Variants in THADA observed in about 807,000 individuals in gnomAD.
THADA encodes THADA armadillo repeat containing.
A neutral mutation model predicts 219.8 loss-of-function variants in THADA; 213 were observed. That is an observed-to-expected ratio of 0.97 (90% CI 0.87 to 1.09). The LOEUF (loss-of-function observed/expected upper bound fraction) is 1.09, where lower values mean the gene tolerates loss of function less well. Among genes scored for constraint, THADA ranks in the 50% least tolerant of loss-of-function variants. THADA has a pLI of 0.00. For synonymous variants in THADA, 1,018 were observed against 828.9 expected (o/e 1.23, Z -3.92); for missense variants, 2,956 against 2,311.3 (o/e 1.28, Z -5.72).
At chr2:43,432,995 T>A (rs1483341235) in intron 26 of THADA, among the ~76,000 whole-genome samples, 1 of 152,152 alleles carries the variant, frequency 6.6e-6, no homozygotes, top group African/African-American at 2.4e-5. Flanking sequence ...TTTAATCAAT[T>A]TTTTTCTTTA....
chr2:43,508,014 G>A (rs1433334894), intron 23 of THADA, among the ~76,000 whole-genome samples: 3 of 152,004 alleles, frequency 2.0e-5, no homozygotes, highest in Admixed American at 2.0e-4. Flanking sequence ...AGAGAGGTTC[G>A]GGAGTCAGGC....
At position 43,333,486 on chromosome 2, in the gene THADA, T is replaced by C. The variant is rs80005739; in HGVS notation, c.4343+10636A>G. Among the ~76,000 whole-genome samples the C allele has an allele frequency of 7.6e-3, 1,157 of 151,686 alleles. 16 individuals are homozygous for C. The highest frequency in any genetic ancestry group is 0.026 in the African/African-American group (1,078 of 41,350). On this transcript the variant is annotated intron_variant, in intron 30 of 37. Coordinates refer to ENST00000405975, the MANE Select transcript of THADA (RefSeq NM_022065.5). ...TTTTCCTAAAAAAAAAAAATAACTT[T>C]TTCTAAAATTAAAAAAAGGAGGATC...
chr2:43,525,003 C>T lies in THADA; in HGVS notation c.3374+2876G>A, dbSNP rs527695501. On this transcript the variant is annotated intron_variant, in intron 22 of 37. Transcript: ENST00000405975. ...TTTTTGGAGAAAACTCACAGATCTA[C>T]ATCTCTGTTTTTGTTATATCACCCA... Among the ~76,000 whole-genome samples the T allele has an allele frequency of 2.6e-5, 4 of 152,296 alleles. No individual in the cohort carries two copies. The South Asian group carries it at 8.3e-4, about 32-fold the overall frequency.
chr2:43,381,823 G>T (rs1200056301), intron 29 of THADA, among the ~76,000 whole-genome samples: 1 of 152,096 alleles, frequency 6.6e-6, no homozygotes, highest in African/African-American at 2.4e-5. Context: ...GACCTCAAGT[G>T]ATCTGCCTGC....
At chr2:43,482,322 A>C (rs1263461627) in intron 26 of THADA, among the ~76,000 whole-genome samples, 1 of 152,176 alleles carries the variant, frequency 6.6e-6, no homozygotes, top group Admixed American at 6.5e-5. Context: ...ACACACTTAC[A>C]AAGGATCCTC....
chr2:43,527,120 T>C (rs967431226), intron 22 of THADA, among the ~76,000 whole-genome samples: 4 of 152,210 alleles, frequency 2.6e-5, no homozygotes, highest in Admixed American at 6.5e-5. Flanking sequence ...ATTCAAGGAA[T>C]AGATGTCTTA....
intron 31 of THADA, among the ~76,000 whole-genome samples, chr2:43,295,407 T>A (rs2104381927): frequency 6.6e-6 from 1 of 152,346 alleles, no homozygotes; most frequent in East Asian, 1.9e-4. Context: ...GTTTGAGTCA[T>A]CCCCCACTTA....
At chr2:43,272,848 A>G in intron 36 of THADA, among the ~76,000 whole-genome samples, 1 of 150,818 alleles carries the variant, frequency 6.6e-6, no homozygotes, top group Admixed American at 6.6e-5. Context: ...CTGGGTTTGA[A>G]CTCCTGGGCT....
intron 30 of THADA, among the ~76,000 whole-genome samples, chr2:43,326,107 C>T (rs1199830109): frequency 1.3e-5 from 2 of 149,034 alleles, no homozygotes; most frequent in Non-Finnish European, 3.0e-5. Flanking sequence ...ACAGTATATA[C>T]ACACAAACAT....
At chr2:43,322,977 C>A (rs1044846010) in intron 30 of THADA, among the ~76,000 whole-genome samples, 1 of 152,072 alleles carries the variant, frequency 6.6e-6, no homozygotes, top group African/African-American at 2.4e-5. Flanking sequence ...TGAGCCACCG[C>A]GCCAGGCTCT....
intron 24 of THADA, among the ~76,000 whole-genome samples, chr2:43,502,602 A>AT: frequency 6.7e-6 from 1 of 150,310 alleles, no homozygotes; most frequent in Admixed American, 6.6e-5. Flanking sequence ...AAAAAAAAAA[A>AT]GAAAGAAAGA....
chr2:43,286,788 T>C (rs1465974793), intron 35 of THADA, 120 bp downstream of exon 35: 2 of 1,152,918 alleles, frequency 1.7e-6, no homozygotes, highest in Non-Finnish European at 2.5e-6. Flanking sequence ...GGAATATAAC[T>C]GAAAGACATA....
chr2:43,528,190 G>A (rs1343903017), intron 21 of THADA, among the ~76,000 whole-genome samples: 1 of 147,576 alleles, frequency 6.8e-6, no homozygotes, highest in East Asian at 2.0e-4. Flanking sequence ...GAGTGCAGTG[G>A]CACAGTCTCA....
chr2:43,259,752 T>C (rs1272609049), intron 36 of THADA, among the ~76,000 whole-genome samples: 4 of 152,256 alleles, frequency 2.6e-5, no homozygotes, highest in Admixed American at 2.0e-4. Flanking sequence ...ATTTAGGTTA[T>C]TCCTTTTCCT....
At chr2:43,538,850 A>G (rs1186748592) in intron 21 of THADA, among the ~76,000 whole-genome samples, 1 of 152,094 alleles carries the variant, frequency 6.6e-6, no homozygotes, top group Non-Finnish European at 1.5e-5. Context: ...AACAAGCCCC[A>G]TTTCTTCTCC....
chr2:43,514,748 A>G (rs1266526223), intron 22 of THADA, among the ~76,000 whole-genome samples: 1 of 88,158 alleles, frequency 1.1e-5, no homozygotes, highest in Admixed American at 2.0e-4. Flanking sequence ...AATATATAAT[A>G]TTTTATATAT....
At chr2:43,579,821 C>G (rs535824578) in intron 8 of THADA, among the ~76,000 whole-genome samples, 7 of 152,200 alleles carry the variant, frequency 4.6e-5, no homozygotes, top group African/African-American at 1.7e-4. Context: ...CTGAAGATGG[C>G]ACAGCAGAAA....
intron 28 of THADA, among the ~76,000 whole-genome samples, chr2:43,411,225 GA>G (rs1676263858): frequency 6.6e-6 from 1 of 152,188 alleles, no homozygotes. Flanking sequence ...TATGAGCTAG[GA>G]TTCAAAGTCA....
intron 29 of THADA, among the ~76,000 whole-genome samples, chr2:43,353,533 T>C (rs1051123690): frequency 5.9e-5 from 9 of 152,256 alleles, no homozygotes; most frequent in African/African-American, 2.2e-4. Context: ...CATTTTTAAA[T>C]TGGGTTATAT....
Sources: allele counts gnomAD v4.1 joint callset (sites outside exome capture counted in the v4.1 genomes callset), GRCh38; gene constraint gnomAD v4.1.1; transcripts MANE v1.5; gene names NCBI Gene and HGNC (gene_info 2026-07-23, HGNC 2026-07-21).